PCCB: variants seen among roughly 807,000 people sequenced by gnomAD.
PCCB encodes propionyl-CoA carboxylase subunit beta, also known as propionyl-CoA carboxylase beta chain, mitochondrial.
Under a neutral mutation model 60.7 loss-of-function variants are expected in PCCB, and 43 were observed. That is an observed-to-expected ratio of 0.71 (90% CI 0.55 to 0.91). The LOEUF (loss-of-function observed/expected upper bound fraction) is 0.91. Ranked by LOEUF, PCCB falls within the 40% of genes least tolerant of loss-of-function variation. The pLI is 0.00. For synonymous variants in PCCB, 276 were observed against 255.9 expected, an observed-to-expected ratio of 1.08 and a Z score of -0.75; for missense variants, 766 against 702.8, an observed-to-expected ratio of 1.09 and a Z score of -1.02.
At chr3:136,251,020 C>G (rs950823591) in intron 1 of PCCB, among the ~76,000 whole-genome samples, 6 of 152,152 alleles carry the variant, frequency 3.9e-5, no homozygotes, top group African/African-American at 1.4e-4. Context: ...TGGGCATACT[C>G]CACTAACATG....
intron 10 of PCCB, among the ~76,000 whole-genome samples, chr3:136,320,071 A>G (rs576396845): frequency 6.6e-6 from 1 of 152,196 alleles, no homozygotes. Flanking sequence ...GTCTGTCCAT[A>G]TTCCAGTGTC....
At chr3:136,305,432 A>T (rs1187871061) in intron 9 of PCCB, among the ~76,000 whole-genome samples, 1 of 121,610 alleles carries the variant, frequency 8.2e-6, no homozygotes, top group Non-Finnish European at 1.8e-5. Flanking sequence ...GTATTATTAC[A>T]CTTTTTTATT....
At position 136,309,659 on chromosome 3, in the gene PCCB, G is replaced by A. The variant is rs114453283; in HGVS notation, c.967-7282G>A. On this transcript the variant is annotated intron_variant, in intron 9 of 14. Transcript: ENST00000251654. The stretch of plus-strand genomic sequence containing the variant: ...TACAAAAATTTTTAAAGTTAACTGG[G>A]TGTGGTGGCATGCACCTATAGTCCC... 8.8e-3 allele frequency among the ~76,000 whole-genome samples: 1,339 copies of A among 152,026 alleles called. 21 individuals are homozygous for A. The highest frequency in any genetic ancestry group is 0.031 in the African/African-American group (1,302 of 41,458).
chr3:136,255,946 G>C lies in PCCB; in HGVS notation c.274G>C (p.Asp92His), dbSNP rs2108137411. The C allele has an allele frequency of 6.2e-7, 1 of 1,614,214 alleles. No homozygotes were observed. Residue 92 changes from aspartate (D) to histidine (H), a missense_variant, in exon 2 of 15, where the codon GAT becomes CAT. Coordinates refer to ENST00000251654, the MANE Select transcript of PCCB (RefSeq NM_000532.5). The stretch of plus-strand genomic sequence containing the variant: ...CATGTTTGTGGAACACAGATGTGCA[G>C]ATTTTGGAATGGCTGCTGATAAGAA... ...SDMFVEHRCA[D>H]FGMAADKNKF...
chr3:136,275,054 C>T (rs998268077), intron 5 of PCCB, among the ~76,000 whole-genome samples: 2 of 152,102 alleles, frequency 1.3e-5, no homozygotes, highest in Non-Finnish European at 2.9e-5. Flanking sequence ...TCAAGCAGTC[C>T]ACCTGCCTTG....
chr3:136,259,236 G>A lies in PCCB; in HGVS notation c.373-1243G>A, dbSNP rs1184391176. 4 of 1,073,702 alleles carry A rather than the reference G, an allele frequency of 3.7e-6. No individual in the cohort carries two copies. The highest frequency in any genetic ancestry group is 5.0e-6 in the Non-Finnish European group (4 of 796,264). The allele number at this position is 1,073,702 out of a possible 1,614,324, so 66.5% of individuals were successfully genotyped here. ...CATCTCAGCACTTTGGGAGGCCGAG[G>A]TGGGTAGATCACTTGAGGCCAGGAG... is the stretch of plus-strand genomic sequence containing the variant. On this transcript the variant is annotated intron_variant, in intron 3 of 14. Coordinates refer to ENST00000251654, the MANE Select transcript of PCCB (RefSeq NM_000532.5).
In PCCB at chr3:136,250,424, C is replaced by G. The variant is rs200185747; in HGVS notation, c.49C>G (p.Leu17Val). ...VAAVGARLSV[L>V]ASGLRAAVRS... ...GGCGGTCGGGGCAAGGCTCAGCGTT[C>G]TGGCGAGCGGTCTCCGCGCCGCGGT... is the stretch of plus-strand genomic sequence containing the variant. The change falls in exon 1 of 15, where the codon CTG (leucine) becomes GTG (valine). Residue 17 changes from leucine to valine, a missense_variant. Transcript: ENST00000251654. The G allele has an allele frequency of 1.3e-5, 21 of 1,589,374 alleles. No individual in the cohort carries two copies. The highest frequency in any genetic ancestry group is 1.6e-5 in the Non-Finnish European group (19 of 1,167,912).
intron 9 of PCCB, among the ~76,000 whole-genome samples, chr3:136,309,497 GA>G (rs1934577986): frequency 6.6e-6 from 1 of 151,964 alleles, no homozygotes. Context: ...TGAAAAAGAA[GA>G]AACTTAAGAA....
intron 7 of PCCB, among the ~76,000 whole-genome samples, chr3:136,295,785 A>G (rs1933904330): frequency 6.6e-6 from 1 of 151,962 alleles, no homozygotes; most frequent in East Asian, 1.9e-4. Context: ...GCGTGAATAC[A>G]CAAACACTTA....
At chr3:136,270,488 A>C (rs973256263) in intron 5 of PCCB, among the ~76,000 whole-genome samples, 2 of 151,700 alleles carry the variant, frequency 1.3e-5, no homozygotes, top group Non-Finnish European at 2.9e-5. Flanking sequence ...GCCCGGCCAC[A>C]TCTGTTGTTT....
At chr3:136,305,659 G>T (rs1188123087) in intron 9 of PCCB, among the ~76,000 whole-genome samples, 4 of 113,942 alleles carry the variant, frequency 3.5e-5, no homozygotes, top group African/African-American at 1.0e-4. Flanking sequence ...TGAGGCAGGA[G>T]AATCACTTAA....
chr3:136,329,966 T>C lies in PCCB; in HGVS notation c.1560T>C (p.Asp520=), dbSNP rs1445986818. 6.2e-7 allele frequency: 1 copy of C among 1,614,156 alleles called. No individual in the cohort carries two copies. Among genetic ancestry groups the C allele is most frequent in the Non-Finnish European group, 8.5e-7 (1 of 1,179,988 alleles). The change falls in exon 15 of 15, where the codon GAT becomes GAC. Residue 520 remains aspartate, a synonymous_variant. Coordinates refer to ENST00000251654, the MANE Select transcript of PCCB (RefSeq NM_000532.5). The part of the protein sequence containing the change: ...STRARICCDL[D]VLASKKVQRP... ...GTGCCCGAATCTGCTGTGACCTGGA[T>C]GTCTTGGCCAGCAAGAAGGTACAAC...
At chr3:136,253,097 T>G (rs1415766178) in intron 1 of PCCB, among the ~76,000 whole-genome samples, 2 of 142,258 alleles carry the variant, frequency 1.4e-5, no homozygotes. Flanking sequence ...TTTTTTTTTT[T>G]TTTTTTTTTT....
intron 5 of PCCB, among the ~76,000 whole-genome samples, chr3:136,264,394 G>A (rs999165081): frequency 1.4e-5 from 2 of 147,390 alleles, no homozygotes; most frequent in East Asian, 1.9e-4. Flanking sequence ...TTCTATGTGC[G>A]CGCTCTCGCT....
At chr3:136,312,262 C>T (rs1934697972) in intron 9 of PCCB, among the ~76,000 whole-genome samples, 1 of 152,222 alleles carries the variant, frequency 6.6e-6, no homozygotes, top group Non-Finnish European at 1.5e-5. Context: ...TAACCTATTA[C>T]ACACCTAGGA....
intron 5 of PCCB, among the ~76,000 whole-genome samples, chr3:136,268,945 G>C (rs533105374): frequency 6.6e-6 from 1 of 152,276 alleles, no homozygotes; most frequent in South Asian, 2.1e-4. Context: ...GTAATTTGCA[G>C]CATACCTGTC....
intron 5 of PCCB, among the ~76,000 whole-genome samples, chr3:136,265,928 C>A (rs904080284): frequency 6.6e-6 from 1 of 151,352 alleles, no homozygotes; most frequent in African/African-American, 2.4e-5. Context: ...TGGGTTCACG[C>A]CATTCTCCTG....
chr3:136,290,009 G>A (rs1933601241), intron 6 of PCCB, among the ~76,000 whole-genome samples: 1 of 152,070 alleles, frequency 6.6e-6, no homozygotes. Flanking sequence ...GAAGCGATGT[G>A]CACATAATTC....
At position 136,326,789 on chromosome 3, in the gene PCCB, C is replaced by T. The variant is rs1053805085; in HGVS notation, c.1091-14C>T. On this transcript the variant is annotated splice_polypyrimidine_tract_variant and intron_variant, in intron 10 of 14. Transcript: ENST00000251654. ...TGCCTGGATACTCAGTATGGATAAT[C>T]TCTCTCTTTCTAGGATGCTTGGATA... is the stretch of plus-strand genomic sequence containing the variant. 1 of 1,527,978 alleles carries T rather than the reference C, an allele frequency of 6.5e-7. No homozygotes were observed. Among genetic ancestry groups the T allele is most frequent in the African/African-American group, 1.4e-5 (1 of 73,360 alleles). 94.7% of individuals were successfully genotyped at this position (1,527,978 alleles called of 1,614,324 possible). A position where few individuals can be genotyped will look rare whatever the true frequency, so the allele number is the denominator to read the frequency against.
Sources: allele counts gnomAD v4.1 joint callset (sites outside exome capture counted in the v4.1 genomes callset), GRCh38; gene constraint gnomAD v4.1.1; transcripts MANE v1.5; gene names NCBI Gene and HGNC (gene_info 2026-07-23, HGNC 2026-07-21).